The following CLPX variants were observed in gnomAD, a reference collection of about 807,000 sequenced individuals.
The protein encoded by CLPX is ATP-dependent clpX-like chaperone, mitochondrial.
In CLPX, 34 loss-of-function variants were observed where a neutral mutation model predicts 76.4. The observed-to-expected ratio is 0.45, with a 90% CI of 0.34 to 0.59. The LOEUF (loss-of-function observed/expected upper bound fraction) is 0.59, where lower values mean the gene tolerates loss of function less well. Ranked by LOEUF, CLPX falls within the 20% of genes least tolerant of loss-of-function variation. The pLI is 0.01. For synonymous variants in CLPX, 248 were observed against 270.9 expected (o/e 0.92, Z 0.83); for missense variants, 613 against 757.0 (o/e 0.81, Z 2.23).
Position 65,149,339 on chromosome 15 carries a change from G to A in CLPX, c.*1484C>T. Reference sequence around the variant, plus strand: ...AAATACAAAAAATTAGCCAGGTGTGGTGGTGCACGCCTGTAGTCCCAGCTA... The same window carrying A: ...AAATACAAAAAATTAGCCAGGTGTGATGGTGCACGCCTGTAGTCCCAGCTA... On this transcript the variant is annotated 3_prime_UTR_variant, in exon 14 of 14. Transcript: ENST00000300107. 5.4e-6 allele frequency: 1 copy of A among 184,288 alleles called. No individual in the cohort carries two copies. The highest frequency in any genetic ancestry group is 1.1e-5 in the Non-Finnish European group (1 of 87,492). The allele number at this position is 184,288 out of a possible 1,614,324, so 11.4% of individuals were successfully genotyped here.
intron 4 of CLPX, among the ~76,000 whole-genome samples, chr15:65,165,679 C>T (rs948174003): frequency 1.3e-5 from 2 of 151,818 alleles, no homozygotes; most frequent in South Asian, 2.1e-4. Context: ...ACCAAACCAC[C>T]GCACCCGGCC....
At chr15:65,168,862 CTTT>C (rs879531675) in intron 3 of CLPX, among the ~76,000 whole-genome samples, 1 of 144,318 alleles carries the variant, frequency 6.9e-6, no homozygotes, top group African/African-American at 2.5e-5. Context: ...TTTCTTTTCT[CTTT>C]TTTTTTTTTG....
rs376051431 is a variant in CLPX, at chr15:65,154,911, A to G, written c.1482T>C (p.Pro494=). Residue 494 remains proline, a synonymous_variant, in exon 11 of 14, where the codon CCT becomes CCC. Coordinates refer to ENST00000300107, the MANE Select transcript of CLPX (RefSeq NM_006660.5). ...CCACAGGCAACCGTCCCACAAACTC[A>G]GGAATCATGCCAAACTCAATCAGAT... ...ARDLIEFGMI[P]EFVGRLPVVV... 5 of 1,614,074 alleles carry G rather than the reference A, an allele frequency of 3.1e-6. No individual in the cohort carries two copies. The African/African-American group carries it at 5.3e-5, about 17-fold the overall frequency.
Position 65,158,871 on chromosome 15 carries a change from T to C in CLPX, c.716-120A>G, listed in dbSNP as rs2087821248. On this transcript the variant is annotated intron_variant, in intron 6 of 13. Transcript: ENST00000300107. ...ATAGAAAAATTTAAGTATTTTGACA[T>C]TCTGTCTTACCTACAAAGGAGAAAA... 6 of 801,918 alleles carry C rather than the reference T, an allele frequency of 7.5e-6. No homozygotes were observed. The South Asian group carries it at 8.6e-5, about 12-fold the overall frequency. The allele number at this position is 801,918 out of a possible 1,614,324, so 49.7% of individuals were successfully genotyped here.
In CLPX at chr15:65,149,400, G is replaced by A. The variant is rs1018151790; in HGVS notation, c.*1423C>T. ...TGAGGCATGAGTATCGCTTGAACCT[G>A]GGACTCAGAGGTTGCAGTGAGCCAA... On this transcript the variant is annotated 3_prime_UTR_variant, in exon 14 of 14. Transcript: ENST00000300107. The A allele has an allele frequency of 7.7e-6, 2 of 259,356 alleles. No individual in the cohort carries two copies. Among genetic ancestry groups the A allele is most frequent in the Non-Finnish European group, 7.7e-6 (1 of 130,658 alleles). The allele number at this position is 259,356 out of a possible 1,614,324, so 16.1% of individuals were successfully genotyped here. A position where few individuals can be genotyped will look rare whatever the true frequency, so the allele number is the denominator to read the frequency against.
At position 65,166,724 on chromosome 15, in the gene CLPX, T is replaced by C. The variant is rs375349202; in HGVS notation, c.420A>G (p.Ala140=). The part of the protein sequence containing the change: ...CHHFFVVLSE[A]DSKKSIIKEP... Reference sequence around the variant, plus strand: ...CTTTAATTATGCTTTTCTTTGAGTCTGCTTCAGATAGCACAACAAAAAAAT... The same window carrying C: ...CTTTAATTATGCTTTTCTTTGAGTCCGCTTCAGATAGCACAACAAAAAAAT... The change falls in exon 4 of 14, where the codon GCA becomes GCG. Residue 140 remains alanine (A), a synonymous_variant. Transcript: ENST00000300107. 4.4e-5 allele frequency: 71 copies of C among 1,614,000 alleles called. 1 individual carries two copies. The Middle Eastern group carries it at 6.6e-4, about 15-fold the overall frequency.
At chr15:65,178,902 GA>G in intron 3 of CLPX, 31 bp downstream of exon 3, 1 of 1,204,540 alleles carries the variant, frequency 8.3e-7, no homozygotes, top group South Asian at 1.4e-5. Flanking sequence ...AAAATGTAGG[GA>G]AAAAAGAACA....
rs76715087 is a variant in CLPX at position 65,181,371 on chromosome 15, T to C, written c.80-1167A>G. Among the ~76,000 whole-genome samples the C allele has an allele frequency of 6.1e-3, 925 of 152,234 alleles. 12 individuals carry two copies. Among genetic ancestry groups the C allele is most frequent in the African/African-American group, 0.02 (821 of 41,530 alleles). ...AGTTTCACAAGATGATGGCAATGGT[T>C]GCACAGTATCAATGTACTTAATACT... On this transcript the variant is annotated intron_variant, in intron 1 of 13. Coordinates refer to ENST00000300107, the MANE Select transcript of CLPX (RefSeq NM_006660.5).
intron 11 of CLPX, 116 bp from the exon 12 acceptor site, chr15:65,153,755 A>T: frequency 1.7e-6 from 1 of 575,732 alleles, no homozygotes; most frequent in Non-Finnish European, 3.0e-6. Context: ...GCCTTCAAGA[A>T]GCACTTGTTT....
intron 1 of CLPX, among the ~76,000 whole-genome samples, chr15:65,181,421 TAA>T (rs1285539820): frequency 2.0e-5 from 3 of 152,048 alleles, no homozygotes; most frequent in Non-Finnish European, 4.4e-5. Flanking sequence ...TAAAAATAGT[TAA>T]GTCTTGTAAA....
chr15:65,160,623 T>TCTCTCACACACA (rs1219208926), intron 6 of CLPX, among the ~76,000 whole-genome samples: 65 of 101,020 alleles, frequency 6.4e-4, no homozygotes, highest in Middle Eastern at 5.4e-3. Flanking sequence ...TCTCTCTCTC[T>TCTCTCACACACA]CACACACACA....
rs1431780629 is a variant in CLPX, at chr15:65,148,450, A to G, written c.*2373T>C. 2 of 152,216 alleles carry G rather than the reference A, an allele frequency of 1.3e-5. No homozygotes were observed. The highest frequency in any genetic ancestry group is 4.8e-5 in the African/African-American group (2 of 41,454). 9.4% of individuals were successfully genotyped at this position (152,216 alleles called of 1,614,324 possible). A position where few individuals can be genotyped will look rare whatever the true frequency, so the allele number is the denominator to read the frequency against. On this transcript the variant is annotated 3_prime_UTR_variant, in exon 14 of 14. Coordinates refer to ENST00000300107, the MANE Select transcript of CLPX (RefSeq NM_006660.5). ...AGGAAAATGATGCTATAAGGGAAAG[A>G]TAATGAACAAAGTTATAATATGTAA... is the stretch of plus-strand genomic sequence containing the variant.
chr15:65,183,454 C>A (rs2140656042), intron 1 of CLPX, among the ~76,000 whole-genome samples: 1 of 86,376 alleles, frequency 1.2e-5, no homozygotes, highest in African/African-American at 4.5e-5. Flanking sequence ...GAGCGAGACT[C>A]TGTCTCAAAA....
Position 65,148,542 on chromosome 15 carries a change from T to C in CLPX, c.*2281A>G, listed in dbSNP as rs1355461275. ...GGAGAGGTGTTTCTGTTCCATACTA[T>C]AGCAACCAGCCTTAACACTCTGTAA... On this transcript the variant is annotated 3_prime_UTR_variant, in exon 14 of 14. Coordinates refer to ENST00000300107, the MANE Select transcript of CLPX (RefSeq NM_006660.5). 3 of 152,204 alleles carry C rather than the reference T, an allele frequency of 2.0e-5. No individual in the cohort carries two copies. The East Asian group carries it at 5.8e-4, about 29-fold the overall frequency. 9.4% of individuals were successfully genotyped at this position (152,204 alleles called of 1,614,324 possible).
chr15:65,164,023 C>T lies in CLPX; in HGVS notation c.673+6G>A, dbSNP rs768245252. ...CTCTATTTAGGTCAATTATCAAAAACGCTACCTCTTGGTGTTAATGATGTC... is the reference window on the plus strand; with the variant it reads ...CTCTATTTAGGTCAATTATCAAAAATGCTACCTCTTGGTGTTAATGATGTC... On this transcript the variant is annotated splice_donor_region_variant and intron_variant, in intron 5 of 13. Coordinates refer to ENST00000300107, the MANE Select transcript of CLPX (RefSeq NM_006660.5). The T allele has an allele frequency of 1.9e-5, 30 of 1,611,758 alleles. No homozygotes were observed. Among genetic ancestry groups the T allele is most frequent in the Admixed American group, 8.4e-5 (5 of 59,866 alleles).
chr15:65,165,265 G>T (rs929242107), intron 4 of CLPX, among the ~76,000 whole-genome samples: 3 of 152,022 alleles, frequency 2.0e-5, no homozygotes, highest in African/African-American at 7.2e-5. Context: ...GGAGGTTAAG[G>T]CTGCAGTGAA....
intron 12 of CLPX, 61 bp downstream of exon 12, chr15:65,153,486 C>G: frequency 9.7e-7 from 1 of 1,027,530 alleles, no homozygotes; most frequent in East Asian, 2.5e-5. Flanking sequence ...AACAGGGAAG[C>G]TTAATATACT....
intron 4 of CLPX, among the ~76,000 whole-genome samples, chr15:65,164,502 A>G (rs1255819860): frequency 6.6e-6 from 1 of 152,196 alleles, no homozygotes; most frequent in African/African-American, 2.4e-5. Flanking sequence ...AGTAACTTAG[A>G]ATACATACAC....
intron 3 of CLPX, among the ~76,000 whole-genome samples, chr15:65,169,281 T>C (rs533431660): frequency 1.2e-4 from 19 of 152,182 alleles, no homozygotes; most frequent in African/African-American, 4.3e-4. Context: ...AAAAATCTTC[T>C]GTAGAGACAG....
Sources: gnomAD v4.1 joint callset for allele counts (sites outside exome capture counted in the v4.1 genomes callset) on GRCh38, gnomAD v4.1.1 for gene constraint, MANE v1.5 for transcripts, NCBI Gene and HGNC (gene_info 2026-07-23, HGNC 2026-07-21) for gene names.